NRG1: variants seen among roughly 807,000 people sequenced by gnomAD.
NRG1 encodes pro-neuregulin-1, membrane-bound isoform.
A neutral mutation model predicts 63.8 loss-of-function variants in NRG1; 18 were observed. The ratio of observed to expected loss-of-function variants is 0.28; its 90% confidence interval spans 0.19 to 0.42. The LOEUF (loss-of-function observed/expected upper bound fraction) is 0.42. NRG1 is among the 10% of genes least tolerant of loss of function. NRG1 has a pLI of 1.00. For missense variants in NRG1, 762 were observed against 814.7 expected, an observed-to-expected ratio of 0.94 and a Z score of 0.79; for synonymous variants, 302 against 301.3, an observed-to-expected ratio of 1.00 and a Z score of -0.02.
intron 1 of NRG1, among the ~76,000 whole-genome samples, chr8:31,715,842 T>C (rs1446091607): frequency 6.6e-6 from 1 of 152,210 alleles, no homozygotes; most frequent in Non-Finnish European, 1.5e-5. Flanking sequence ...CTGAAGGCAG[T>C]CTTCTAGGTA....
rs533198301 is a variant in NRG1, at chr8:32,015,680, A to G, written c.37+376249A>G. On this transcript the variant is annotated intron_variant, in intron 1 of 10. Coordinates refer to the NRG1 transcript ENST00000519301. ...CTTATAAACATAAGAAAGCTACATA[A>G]GCATCACAAAAAATTACAAACAGCT... Among the ~76,000 whole-genome samples, 30 of 152,236 alleles carry G rather than the reference A, an allele frequency of 2.0e-4. No homozygotes were observed. In the South Asian group the frequency reaches 6.2e-3, roughly 32 times the overall value.
At chr8:32,523,846 A>ATAAC (rs374353064) in intron 1 of NRG1, among the ~76,000 whole-genome samples, 23 of 152,022 alleles carry the variant, frequency 1.5e-4, no homozygotes, top group Non-Finnish European at 2.6e-4. Flanking sequence ...CTGTCTCTGA[A>ATAAC]TAACTAACTA....
intron 1 of NRG1, among the ~76,000 whole-genome samples, chr8:31,833,953 A>C (rs1825421113): frequency 6.6e-6 from 1 of 152,210 alleles, no homozygotes; most frequent in African/African-American, 2.4e-5. Context: ...GATATTTTCA[A>C]ACCAGCATGA....
intron 1 of NRG1, among the ~76,000 whole-genome samples, chr8:32,006,755 A>G (rs1238532695): frequency 1.3e-5 from 2 of 152,000 alleles, no homozygotes; most frequent in Non-Finnish European, 2.9e-5. Context: ...AACCTGAATG[A>G]TCTTGAAAGT....
chr8:32,462,536 A>G (rs1476963806), intron 1 of NRG1, among the ~76,000 whole-genome samples: 1 of 151,830 alleles, frequency 6.6e-6, no homozygotes, highest in Non-Finnish European at 1.5e-5. Context: ...TGAATATACA[A>G]TACAATATTA....
intron 1 of NRG1, among the ~76,000 whole-genome samples, chr8:32,022,445 T>G (rs992519590): frequency 2.6e-5 from 4 of 152,152 alleles, no homozygotes; most frequent in Non-Finnish European, 4.4e-5. Flanking sequence ...CACATGCAAA[T>G]AGACCTGTAA....
chr8:31,884,954 G>T (rs939345182), intron 1 of NRG1, among the ~76,000 whole-genome samples: 23 of 152,112 alleles, frequency 1.5e-4, no homozygotes, highest in African/African-American at 5.5e-4. Context: ...CTATGGCTTT[G>T]TAAAAATGCA....
chr8:32,517,973 C>T (rs963539920), intron 1 of NRG1, among the ~76,000 whole-genome samples: 8 of 151,944 alleles, frequency 5.3e-5, no homozygotes, highest in African/African-American at 1.7e-4. Flanking sequence ...GAGAAGAAAA[C>T]AGGAAAATGG....
chr8:31,672,158 A>G (rs1217863328), intron 1 of NRG1, among the ~76,000 whole-genome samples: 1 of 152,010 alleles, frequency 6.6e-6, no homozygotes, highest in Admixed American at 6.6e-5. Flanking sequence ...AGTGTAATTC[A>G]CCATAGTTGG....
intron 1 of NRG1, among the ~76,000 whole-genome samples, chr8:31,810,099 T>C (rs955030273): frequency 1.3e-5 from 2 of 152,158 alleles, no homozygotes; most frequent in Non-Finnish European, 2.9e-5. Context: ...TTGTCCTACA[T>C]TCTACATCCA....
At chr8:32,484,336 A>AT (rs1394363280) in intron 1 of NRG1, among the ~76,000 whole-genome samples, 1 of 152,194 alleles carries the variant, frequency 6.6e-6, no homozygotes, top group East Asian at 1.9e-4. Context: ...GACAAGATAC[A>AT]TTTTGAATTA....
chr8:32,239,404 T>G (rs1458840748), intron 1 of NRG1, among the ~76,000 whole-genome samples: 1 of 151,660 alleles, frequency 6.6e-6, no homozygotes, highest in Non-Finnish European at 1.5e-5. Context: ...ACATAAAATG[T>G]TAAGCAATAA....
At chr8:31,904,756 C>A (rs1832383442) in intron 1 of NRG1, among the ~76,000 whole-genome samples, 1 of 152,070 alleles carries the variant, frequency 6.6e-6, no homozygotes, top group African/African-American at 2.4e-5. Flanking sequence ...GGCCATTATT[C>A]TAAGCAAACT....
chr8:32,359,670 C>T (rs1163862701), intron 1 of NRG1, among the ~76,000 whole-genome samples: 1 of 152,096 alleles, frequency 6.6e-6, no homozygotes. Flanking sequence ...CAAAATATTC[C>T]TCTTGTGGAA....
At chr8:32,128,072 C>G (rs1351267635) in intron 1 of NRG1, among the ~76,000 whole-genome samples, 1 of 151,950 alleles carries the variant, frequency 6.6e-6, no homozygotes, top group African/African-American at 2.4e-5. Context: ...TCTCCAATCC[C>G]TGCTCTGCAA....
chr8:32,154,315 G>T (rs2131849501), intron 1 of NRG1, among the ~76,000 whole-genome samples: 1 of 151,800 alleles, frequency 6.6e-6, no homozygotes, highest in South Asian at 2.1e-4. Context: ...AGAGTAATGT[G>T]CTAGTAGTAC....
chr8:32,605,535 G>T, intron 2 of NRG1, 27 bp from the exon 3 acceptor site: 1 of 1,611,676 alleles, frequency 6.2e-7, no homozygotes, highest in South Asian at 1.1e-5. Flanking sequence ...GATATATACT[G>T]ACACCACTTT....
chr8:31,761,655 T>C (rs1253237305), intron 1 of NRG1, among the ~76,000 whole-genome samples: 1 of 152,126 alleles, frequency 6.6e-6, no homozygotes. Context: ...ACATAACATT[T>C]GTTAAGTTGA....
intron 1 of NRG1, among the ~76,000 whole-genome samples, chr8:31,820,189 C>T (rs1051995324): frequency 6.6e-6 from 1 of 152,114 alleles, no homozygotes; most frequent in South Asian, 2.1e-4. Context: ...AGCCCTAGTT[C>T]CTGTGGAGTA....
Sources: allele counts gnomAD v4.1 joint callset (sites outside exome capture counted in the v4.1 genomes callset), GRCh38; gene constraint gnomAD v4.1.1; transcripts MANE v1.5; gene names NCBI Gene and HGNC (gene_info 2026-07-23, HGNC 2026-07-21).